Variants in TMC5 observed in about 807,000 individuals in gnomAD.
TMC5 encodes the protein transmembrane channel like 5.
TMC5 carries 86 observed loss-of-function variants against 110.5 expected under a neutral mutation model. The ratio of observed to expected loss-of-function variants is 0.78; its 90% confidence interval spans 0.65 to 0.93. The LOEUF (loss-of-function observed/expected upper bound fraction) is 0.93, where lower values mean the gene tolerates loss of function less well. Ranked by LOEUF, TMC5 falls within the 40% of genes least tolerant of loss-of-function variation. The pLI is 0.00. For missense variants in TMC5, 1,144 were observed against 1,222.8 expected (o/e 0.94, Z 0.96); for synonymous variants, 455 against 439.5 (o/e 1.04, Z -0.44).
chr16:19,468,686 G>T (rs188878405), intron 9 of TMC5, among the ~76,000 whole-genome samples: 1 of 152,192 alleles, frequency 6.6e-6, no homozygotes, highest in Non-Finnish European at 1.5e-5. Context: ...ATGCTACCCT[G>T]CTGGCTTTGA....
intron 19 of TMC5, among the ~76,000 whole-genome samples, chr16:19,493,479 G>C (rs1461410698): frequency 5.4e-5 from 2 of 36,814 alleles, no homozygotes; most frequent in Non-Finnish European, 1.4e-4. Flanking sequence ...TTTTTTTTTT[G>C]AGACAGAATC....
rs192944117 is a variant in TMC5 at position 19,474,173 on chromosome 16, G to A, written c.1987G>A (p.Val663Ile). The change falls in exon 12 of 22, where the codon GTT becomes ATT. Residue 663 changes from valine (V) to isoleucine (I), a missense_variant. Coordinates refer to ENST00000542583, the MANE Select transcript of TMC5 (RefSeq NM_001261841.2). ...NPGAVLLLPF[V>I]VSCINLAVPC... ...TGGGGCGGTGCTGTTACTGCCTTTC[G>A]TTGTGTCCTGCATTAATCTGGCCGT... The A allele has an allele frequency of 1.7e-5, 27 of 1,613,938 alleles. No homozygotes were observed. The highest frequency in any genetic ancestry group is 1.7e-4 in the Middle Eastern group (1 of 6,060).
At chr16:19,494,023 C>T (rs902805681) in intron 19 of TMC5, among the ~76,000 whole-genome samples, 1 of 152,056 alleles carries the variant, frequency 6.6e-6, no homozygotes. Flanking sequence ...TTTCTCAAGC[C>T]TGTTAGGGGA....
chr16:19,467,555 C>T (rs1968221145), intron 9 of TMC5, among the ~76,000 whole-genome samples: 1 of 152,054 alleles, frequency 6.6e-6, no homozygotes. Context: ...GATCTCAGCT[C>T]ACTGCAACCT....
chr16:19,457,702 C>T lies in TMC5; in HGVS notation c.1049-2533C>T, dbSNP rs80323221. On this transcript the variant is annotated intron_variant, in intron 5 of 21. Transcript: ENST00000542583. ...ATACAGGTCTATCTGATTCCCAAGA[C>T]TACATTCTTTTTTTTTTTTTTTTTT... 9.6e-5 allele frequency among the ~76,000 whole-genome samples: 7 copies of T among 73,106 alleles called. No homozygotes were observed. In the South Asian group the frequency reaches 1.8e-3, roughly 18 times the overall value. The allele number at this position is 73,106 out of a possible 152,430, so 48.0% of individuals were successfully genotyped here. A position where few individuals can be genotyped will look rare whatever the true frequency, so the allele number is the denominator to read the frequency against.
intron 5 of TMC5, chr16:19,456,675 C>T: frequency 1.3e-6 from 2 of 1,586,242 alleles, no homozygotes; most frequent in Non-Finnish European, 1.7e-6. Context: ...AAGCCCACCC[C>T]AGTGGAGAAG....
At chr16:19,496,848 C>G (rs1021724260) in intron 20 of TMC5, among the ~76,000 whole-genome samples, 7 of 135,964 alleles carry the variant, frequency 5.1e-5, no homozygotes, top group Admixed American at 4.0e-4. Context: ...CGAGATCATG[C>G]CATTCCACTC....
intron 5 of TMC5, among the ~76,000 whole-genome samples, chr16:19,458,927 G>A (rs767673340): frequency 3.9e-5 from 6 of 152,264 alleles, no homozygotes; most frequent in Middle Eastern, 3.4e-3. Context: ...CCCTCGGCAC[G>A]GTATCGCTGC....
At chr16:19,434,934 C>G (rs894415716) in intron 2 of TMC5, among the ~76,000 whole-genome samples, 2 of 152,124 alleles carry the variant, frequency 1.3e-5, no homozygotes, top group Admixed American at 6.6e-5. Context: ...AGTTCTGACA[C>G]CAAGGGCTGG....
chr16:19,466,364 C>CT, intron 9 of TMC5, 131 bp downstream of exon 9: 1 of 999,518 alleles, frequency 1.0e-6, no homozygotes, highest in South Asian at 1.7e-5. Context: ...CTTTTCTTTT[C>CT]TTTCTTAGAT....
At chr16:19,462,775 G>A (rs546462574) in intron 6 of TMC5, among the ~76,000 whole-genome samples, 2 of 151,898 alleles carry the variant, frequency 1.3e-5, no homozygotes, top group Admixed American at 1.3e-4. Context: ...GTGGGCGCCT[G>A]TAATCCCAGC....
At chr16:19,491,533 A>AT (rs71275925) in intron 18 of TMC5, among the ~76,000 whole-genome samples, 10,061 of 117,852 alleles carry the variant, frequency 0.085, 693 homozygotes, top group African/African-American at 0.16. Context: ...TGTCTTAGGG[A>AT]TTTTTTTTTT....
intron 5 of TMC5, among the ~76,000 whole-genome samples, chr16:19,459,646 G>A (rs116565934): frequency 0.026 from 3,938 of 152,120 alleles, 173 homozygotes; most frequent in African/African-American, 0.089. Flanking sequence ...GCTGGTTGTC[G>A]TGGTGTGTGC....
At chr16:19,449,886 A>T (rs1488672215) in intron 5 of TMC5, among the ~76,000 whole-genome samples, 2 of 152,158 alleles carry the variant, frequency 1.3e-5, no homozygotes, top group Non-Finnish European at 2.9e-5. Context: ...CCACGTTTGT[A>T]AGTTTCCTGA....
At chr16:19,453,920 A>T (rs1177920296) in intron 5 of TMC5, among the ~76,000 whole-genome samples, 1 of 152,068 alleles carries the variant, frequency 6.6e-6, no homozygotes, top group Non-Finnish European at 1.5e-5. Context: ...ATCTCACTAT[A>T]TTGCTCCGAC....
At chr16:19,421,182 A>C (rs564763988) in intron 1 of TMC5, among the ~76,000 whole-genome samples, 1 of 152,268 alleles carries the variant, frequency 6.6e-6, no homozygotes, top group South Asian at 2.1e-4. Context: ...TGTTTTGAAC[A>C]TGTTGATTTT....
intron 17 of TMC5, chr16:19,488,017 C>G (rs1026074920): frequency 2.6e-5 from 4 of 152,606 alleles, no homozygotes; most frequent in African/African-American, 9.7e-5. Flanking sequence ...GGATATGGAT[C>G]CGCCCTGAGT....
chr16:19,492,509 A>G (rs563162240), intron 19 of TMC5, among the ~76,000 whole-genome samples: 3 of 152,110 alleles, frequency 2.0e-5, no homozygotes, highest in African/African-American at 7.2e-5. Flanking sequence ...GCAGTGGTGC[A>G]ATCTCGGCTC....
chr16:19,464,787 C>T (rs1244652746), intron 8 of TMC5, among the ~76,000 whole-genome samples: 1 of 151,462 alleles, frequency 6.6e-6, no homozygotes, highest in Non-Finnish European at 1.5e-5. Context: ...AGAGAAAGTT[C>T]ATTTTATATT....
Sources: allele counts gnomAD v4.1 joint callset (sites outside exome capture counted in the v4.1 genomes callset), GRCh38; gene constraint gnomAD v4.1.1; transcripts MANE v1.5; gene names NCBI Gene and HGNC (gene_info 2026-07-23, HGNC 2026-07-21).